SCNN1G: variants seen among roughly 807,000 people sequenced by gnomAD.
SCNN1G encodes epithelial sodium channel subunit gamma.
SCNN1G carries 27 observed loss-of-function variants against 64.6 expected under a neutral mutation model. The observed-to-expected ratio is 0.42, with a 90% CI of 0.31 to 0.58. The LOEUF is 0.58. Ranked by LOEUF, SCNN1G falls within the 20% of genes least tolerant of loss-of-function variation. The pLI is 0.18. For synonymous variants in SCNN1G, 330 were observed against 314.2 expected (o/e 1.05, Z -0.53); for missense variants, 743 against 823.4 (o/e 0.90, Z 1.19).
intron 11 of SCNN1G, among the ~76,000 whole-genome samples, chr16:23,213,462 G>C (rs974764769): frequency 1.3e-5 from 2 of 152,090 alleles, no homozygotes; most frequent in Non-Finnish European, 2.9e-5. Flanking sequence ...ATATTGGCCA[G>C]GCTGGTCTCG....
rs184208116 is a variant in SCNN1G, at chr16:23,215,103, G to A, written c.1584G>A (p.Leu528=). Residue 528 remains leucine, a synonymous_variant, in exon 13 of 13, where the codon CTG becomes CTA. Coordinates refer to ENST00000300061, the MANE Select transcript of SCNN1G (RefSeq NM_001039.4). ...ESPANSIEML[L]SNFGGQLGLW... is the part of the protein sequence containing the mutation. ...CTGTCTTGCAGATTGAGATGCTTCT[G>A]TCCAACTTCGGTGGCCAGCTGGGCC... 1.1e-5 allele frequency: 18 copies of A among 1,614,110 alleles called. No homozygotes were observed. The Admixed American group carries it at 2.8e-4, about 25-fold the overall frequency.
intron 6 of SCNN1G, among the ~76,000 whole-genome samples, chr16:23,204,294 T>C (rs1476293420): frequency 1.7e-3 from 10 of 5,920 alleles, no homozygotes; most frequent in Middle Eastern, 0.05. Context: ...TATACATATA[T>C]ATATATATAT....
chr16:23,193,298 C>G (rs1476510809), intron 4 of SCNN1G, among the ~76,000 whole-genome samples: 1 of 151,990 alleles, frequency 6.6e-6, no homozygotes, highest in Non-Finnish European at 1.5e-5. Context: ...AACCTTTCAC[C>G]TTTATGATAA....
At chr16:23,209,518 G>A (rs4411498) in intron 6 of SCNN1G, among the ~76,000 whole-genome samples, 6 of 151,804 alleles carry the variant, frequency 4.0e-5, no homozygotes, top group Admixed American at 2.6e-4. Context: ...CCACTGGAAG[G>A]TACGTTCCAG....
intron 3 of SCNN1G, among the ~76,000 whole-genome samples, chr16:23,190,831 ATTTTTTT>A (rs896029487): frequency 1.8e-3 from 103 of 56,246 alleles, no homozygotes; most frequent in Middle Eastern, 0.019. Flanking sequence ...ATTTGAGGGG[ATTTTTTT>A]TTTTTTTTTT....
chr16:23,189,381 G>T lies in SCNN1G; in HGVS notation c.328G>T (p.Val110Phe). 1 of 1,613,616 alleles carries T rather than the reference G, an allele frequency of 6.2e-7. No individual in the cohort carries two copies. The highest frequency in any genetic ancestry group is 1.7e-5 in the Admixed American group (1 of 60,026). Residue 110 changes from valine to phenylalanine, a missense_variant, in exon 3 of 13, where the codon GTT becomes TTT. Coordinates refer to ENST00000300061, the MANE Select transcript of SCNN1G (RefSeq NM_001039.4). ...TCCCCACCTTGGCAGGTACAGCACC[G>T]TTCGCCACCTTCTAGCTGACTTGGA... ...CNINPYKYST[V>F]RHLLADLEQE...
intron 6 of SCNN1G, among the ~76,000 whole-genome samples, chr16:23,197,662 G>T (rs1028572398): frequency 1.3e-5 from 2 of 152,056 alleles, no homozygotes; most frequent in African/African-American, 2.4e-5. Context: ...GGAGACCGAG[G>T]TGAGGTCAAG....
chr16:23,204,943 G>A (rs1331944908), intron 6 of SCNN1G, among the ~76,000 whole-genome samples: 1 of 152,114 alleles, frequency 6.6e-6, no homozygotes, highest in African/African-American at 2.4e-5. Flanking sequence ...CTCTCAGATA[G>A]CTGGGATTAT....
chr16:23,192,207 T>A, intron 3 of SCNN1G, 145 bp from the exon 4 acceptor site: 1 of 723,006 alleles, frequency 1.4e-6, no homozygotes, highest in Non-Finnish European at 2.5e-6. Context: ...CCCCTAGAAG[T>A]GAGAGGAAAC....
chr16:23,189,357 C>T lies in SCNN1G; in HGVS notation c.318-14C>T, dbSNP rs377515395. Reference sequence around the variant, plus strand: ...GCCTCCCCTCTCCCTGACTTTTCCTCCCCACCTTGGCAGGTACAGCACCGT... The same window carrying T: ...GCCTCCCCTCTCCCTGACTTTTCCTTCCCACCTTGGCAGGTACAGCACCGT... On this transcript the variant is annotated splice_polypyrimidine_tract_variant and intron_variant, in intron 2 of 12. Transcript: ENST00000300061. 63 of 1,612,258 alleles carry T rather than the reference C, an allele frequency of 3.9e-5. No individual in the cohort carries two copies. In the African/African-American group the frequency reaches 6.7e-4, roughly 17 times the overall value.
chr16:23,213,037 G>T, intron 10 of SCNN1G, 65 bp from the exon 11 acceptor site: 2 of 1,545,392 alleles, frequency 1.3e-6, no homozygotes, highest in South Asian at 2.2e-5. Flanking sequence ...TGGGGAGCCT[G>T]AGGCGGGAGG....
At position 23,184,274 on chromosome 16, in the gene SCNN1G, C is replaced by T. The variant is rs148402156; in HGVS notation, c.-45+1461C>T. Among the ~76,000 whole-genome samples the T allele has an allele frequency of 2.4e-3, 364 of 152,206 alleles. 1 individual carries two copies. Among genetic ancestry groups the T allele is most frequent in the African/African-American group, 5.7e-3 (238 of 41,524 alleles). On this transcript the variant is annotated intron_variant, in intron 1 of 12. Transcript: ENST00000300061. ...GGAAGGGGCTGATGGGGCAGAGGTA[C>T]CCCTGAGAGCTGGGGATAGGAGCTT...
At chr16:23,187,785 A>G (rs1190421388) in intron 2 of SCNN1G, among the ~76,000 whole-genome samples, 1 of 152,210 alleles carries the variant, frequency 6.6e-6, no homozygotes, top group Non-Finnish European at 1.5e-5. Context: ...ATGGGTCATC[A>G]GAGTCCTTCT....
At chr16:23,194,901 A>G (rs1959772075) in intron 5 of SCNN1G, 1 of 153,516 alleles carries the variant, frequency 6.5e-6, no homozygotes, top group South Asian at 2.0e-4. Flanking sequence ...TATTTATCAC[A>G]GTTTTGGAGA....
chr16:23,212,217 GCACTC>G, intron 8 of SCNN1G, 66 bp downstream of exon 8: 1 of 1,017,828 alleles, frequency 9.8e-7, no homozygotes, highest in South Asian at 1.3e-5. Flanking sequence ...CTGGCAATAG[GCACTC>G]CTGGGACTCC....
At chr16:23,196,367 G>A (rs980721359) in intron 5 of SCNN1G, 1 of 147,798 alleles carries the variant, frequency 6.8e-6, no homozygotes, top group Non-Finnish European at 1.5e-5. Context: ...GGGAGGAGAT[G>A]AGGAGGGAGA....
intron 5 of SCNN1G, chr16:23,194,985 G>A (rs1362618260): frequency 6.6e-6 from 1 of 152,602 alleles, no homozygotes; most frequent in Non-Finnish European, 1.5e-5. Flanking sequence ...GCAGAAGGCT[G>A]GCTGTCTTCT....
At chr16:23,186,194 C>T (rs1266675689) in intron 1 of SCNN1G, 34 bp from the exon 2 acceptor site, 4 of 1,436,600 alleles carry the variant, frequency 2.8e-6, no homozygotes, top group Non-Finnish European at 2.9e-6. Flanking sequence ...CTAGTGCCTG[C>T]CAGCTCACCT....
At chr16:23,210,936 G>T (rs1353779956) in intron 7 of SCNN1G, among the ~76,000 whole-genome samples, 1 of 152,152 alleles carries the variant, frequency 6.6e-6, no homozygotes, top group African/African-American at 2.4e-5. Flanking sequence ...TATAAGGGAG[G>T]CTGAGGAGGG....
Sources: gnomAD v4.1 joint callset for allele counts (sites outside exome capture counted in the v4.1 genomes callset) on GRCh38, gnomAD v4.1.1 for gene constraint, MANE v1.5 for transcripts, NCBI Gene and HGNC (gene_info 2026-07-23, HGNC 2026-07-21) for gene names.